Variants in CNTNAP2 observed in about 807,000 individuals in gnomAD.
CNTNAP2 encodes contactin-associated protein-like 2.
A neutral mutation model predicts 155.2 loss-of-function variants in CNTNAP2; 98 were observed. The ratio of observed to expected loss-of-function variants is 0.63; its 90% CI spans 0.54 to 0.75. CNTNAP2 has a LOEUF of 0.75. CNTNAP2 is among the 30% of genes least tolerant of loss of function. CNTNAP2 has a pLI of 0.00. For missense variants in CNTNAP2, 1,727 were observed against 1,688.1 expected (o/e 1.02, Z -0.40); for synonymous variants, 651 against 631.2 (o/e 1.03, Z -0.47).
At chr7:146,985,643 G>T (rs1345782652) in intron 3 of CNTNAP2, among the ~76,000 whole-genome samples, 1 of 151,900 alleles carries the variant, frequency 6.6e-6, no homozygotes, top group African/African-American at 2.4e-5. Flanking sequence ...ATGTATTCTT[G>T]AGCTAATTAA....
chr7:146,444,602 AG>A (rs1267640369), intron 1 of CNTNAP2, among the ~76,000 whole-genome samples: 1 of 151,806 alleles, frequency 6.6e-6, no homozygotes, highest in Non-Finnish European at 1.5e-5. Context: ...CTGATCATTC[AG>A]GGATTACATG....
intron 15 of CNTNAP2, among the ~76,000 whole-genome samples, chr7:148,047,884 A>T (rs929105060): frequency 6.6e-6 from 1 of 152,222 alleles, no homozygotes; most frequent in African/African-American, 2.4e-5. Context: ...TATAGATGGC[A>T]ACTGGCATTT....
intron 1 of CNTNAP2, among the ~76,000 whole-genome samples, chr7:146,505,300 G>A (rs1443976017): frequency 1.3e-5 from 2 of 152,196 alleles, no homozygotes; most frequent in East Asian, 3.9e-4. Flanking sequence ...TGCTGTTGGA[G>A]CATGTCAACC....
chr7:146,597,229 T>C (rs1459854067), intron 1 of CNTNAP2, among the ~76,000 whole-genome samples: 1 of 152,070 alleles, frequency 6.6e-6, no homozygotes, highest in Non-Finnish European at 1.5e-5. Flanking sequence ...TAAATCAAAA[T>C]CATAGAATTG....
At chr7:146,748,390 C>A (rs2129182141) in intron 1 of CNTNAP2, among the ~76,000 whole-genome samples, 1 of 152,134 alleles carries the variant, frequency 6.6e-6, no homozygotes, top group East Asian at 1.9e-4. Context: ...CATGATCCGC[C>A]CTCCTTGGCC....
At chr7:147,938,151 A>T (rs1800648712) in intron 14 of CNTNAP2, among the ~76,000 whole-genome samples, 2 of 152,220 alleles carry the variant, frequency 1.3e-5, no homozygotes, top group Admixed American at 1.3e-4. Flanking sequence ...CTGCGTAGAG[A>T]TAAGAACTGT....
chr7:146,611,566 G>C (rs1799137871), intron 1 of CNTNAP2, among the ~76,000 whole-genome samples: 1 of 152,092 alleles, frequency 6.6e-6, no homozygotes, highest in Non-Finnish European at 1.5e-5. Context: ...AGGGCAAAAA[G>C]GCAAAGATTC....
At chr7:148,240,540 A>T (rs1563007718) in intron 20 of CNTNAP2, among the ~76,000 whole-genome samples, 1 of 152,194 alleles carries the variant, frequency 6.6e-6, no homozygotes, top group Non-Finnish European at 1.5e-5. Flanking sequence ...TTCAGAGGTT[A>T]TTATTAAGAC....
intron 18 of CNTNAP2, among the ~76,000 whole-genome samples, chr7:148,209,325 G>T (rs1385564203): frequency 7.5e-5 from 11 of 147,116 alleles, no homozygotes; most frequent in South Asian, 2.2e-4. Context: ...TTAGCGACAG[G>T]GTCCCCCTAT....
rs1479725169 is a variant in CNTNAP2 at position 147,121,196 on chromosome 7, T to C, written c.939+33T>C. The C allele has an allele frequency of 2.5e-6, 4 of 1,601,092 alleles. No individual in the cohort carries two copies. The Admixed American group carries it at 6.7e-5, about 27-fold the overall frequency. On this transcript the variant is annotated intron_variant, in intron 6 of 23. Coordinates refer to ENST00000361727, the MANE Select transcript of CNTNAP2 (RefSeq NM_014141.6). ...TGATGACGTAGAAATTGTAATAAAA[T>C]GTCAAGCAATTGTGTCACTCTCCTA...
Position 146,558,842 on chromosome 7 carries a change from A to G in CNTNAP2, c.98-215429A>G, listed in dbSNP as rs115338175. Among the ~76,000 whole-genome samples the G allele has an allele frequency of 4.6e-3, 701 of 152,336 alleles. 5 individuals carry two copies. The highest frequency in any genetic ancestry group is 0.016 in the African/African-American group (654 of 41,576). ...ACTTCAGATTCATCACCTAAGTGGTACCATGTAGTATTTGTTCCGTGTCTG... is the reference window on the plus strand; with the variant it reads ...ACTTCAGATTCATCACCTAAGTGGTGCCATGTAGTATTTGTTCCGTGTCTG... On this transcript the variant is annotated intron_variant, in intron 1 of 23. Coordinates refer to ENST00000361727, the MANE Select transcript of CNTNAP2 (RefSeq NM_014141.6).
chr7:147,326,159 G>T (rs2620471), intron 9 of CNTNAP2, among the ~76,000 whole-genome samples: 115,639 of 152,180 alleles, frequency 0.76, 44,679 homozygotes, highest in African/African-American at 0.91. Flanking sequence ...CTCCTGACCT[G>T]GTGATCCGCC....
At chr7:146,591,764 C>T (rs974517881) in intron 1 of CNTNAP2, among the ~76,000 whole-genome samples, 14 of 152,194 alleles carry the variant, frequency 9.2e-5, no homozygotes, top group Non-Finnish European at 1.2e-4. Context: ...GTCCACTACT[C>T]TGACAGCATC....
At chr7:147,248,581 G>A (rs1804118486) in intron 8 of CNTNAP2, among the ~76,000 whole-genome samples, 1 of 152,192 alleles carries the variant, frequency 6.6e-6, no homozygotes, top group Non-Finnish European at 1.5e-5. Flanking sequence ...CCCTTATGGG[G>A]CCGGTGGCTG....
At chr7:147,571,248 C>T (rs1462597994) in intron 12 of CNTNAP2, among the ~76,000 whole-genome samples, 19 of 147,438 alleles carry the variant, frequency 1.3e-4, no homozygotes, top group Non-Finnish European at 6.0e-5. Context: ...TTAGGTATAT[C>T]TCCTAATGCT....
chr7:147,132,652 T>A, intron 8 of CNTNAP2, 143 bp downstream of exon 8: 1 of 1,143,256 alleles, frequency 8.7e-7, no homozygotes, highest in South Asian at 1.3e-5. Context: ...TTGGTTGTAG[T>A]GTGTGCTGAT....
At chr7:146,930,242 G>A (rs556184499) in intron 3 of CNTNAP2, among the ~76,000 whole-genome samples, 18 of 152,246 alleles carry the variant, frequency 1.2e-4, no homozygotes, top group East Asian at 9.7e-4. Flanking sequence ...CGGATCTCTC[G>A]GCAGAAACTC....
At chr7:147,465,901 C>T (rs565700277) in intron 10 of CNTNAP2, among the ~76,000 whole-genome samples, 2 of 151,184 alleles carry the variant, frequency 1.3e-5, no homozygotes, top group South Asian at 4.2e-4. Context: ...AGTCAATATT[C>T]AATGGACGTT....
intron 18 of CNTNAP2, among the ~76,000 whole-genome samples, chr7:148,181,845 A>G (rs923067272): frequency 2.3e-5 from 3 of 130,072 alleles, no homozygotes; most frequent in African/African-American, 5.7e-5. Flanking sequence ...GCAAGCTCCA[A>G]CTCCCGGGTT....
Sources: allele counts gnomAD v4.1 joint callset (sites outside exome capture counted in the v4.1 genomes callset), GRCh38; gene constraint gnomAD v4.1.1; transcripts MANE v1.5; gene names NCBI Gene and HGNC (gene_info 2026-07-23, HGNC 2026-07-21).